Variants in CYLC1 observed in about 807,000 individuals in gnomAD.
CYLC1 encodes the protein cylicin-1.
CYLC1 carries 2 observed loss-of-function variants against 31.6 expected under a neutral mutation model. The observed-to-expected ratio is 0.06, with a 90% CI of 0.03 to 0.20. CYLC1 has a LOEUF of 0.20. CYLC1 is among the 10% of genes least tolerant of loss of function. The pLI is 1.00. For missense variants in CYLC1, 595 were observed against 424.1 expected (o/e 1.40, Z -3.54); for synonymous variants, 185 against 153.0 (o/e 1.21, Z -1.54).
rs1366211950 is a variant in CYLC1 at position 83,877,925 on chromosome X, T to A, written c.1923+3294T>A. ...ATATATATAAATATATATATATATA[T>A]AAATATAAATATATATATTTGTATA... On this transcript the variant is annotated intron_variant, in intron 4 of 4. Coordinates refer to ENST00000329312, the MANE Select transcript of CYLC1 (RefSeq NM_021118.3). Among the ~76,000 whole-genome samples the A allele has an allele frequency of 3.5e-5, 2 of 57,565 alleles. 1 individual carries two copies. Among genetic ancestry groups the A allele is most frequent in the African/African-American group, 1.2e-4 (2 of 17,370 alleles). 50.0% of individuals were successfully genotyped at this position (57,565 alleles called of 115,157 possible).
rs767522722 is a variant in CYLC1, at chrX:83,874,399, C to T, written c.1691C>T (p.Thr564Ile). The stretch of plus-strand genomic sequence containing the variant: ...AAGAAAATTGATGAATCAGATGGCA[C>T]ATCTGCAAATTCAAAGATGGAAGGA... ...AKKKIDESDG[T>I]SANSKMEGLE... The change falls in exon 4 of 5, where the codon ACA (threonine) becomes ATA (isoleucine). Residue 564 changes from threonine to isoleucine, a missense_variant. Transcript: ENST00000329312. 8.3e-7 allele frequency: 1 copy of T among 1,209,797 alleles called. No individual in the cohort carries two copies. The highest frequency in any genetic ancestry group is 3.0e-5 in the East Asian group (1 of 33,738).
chrX:83,862,281 C>T (rs1415949179), intron 1 of CYLC1, among the ~76,000 whole-genome samples: 5 of 109,389 alleles, frequency 4.6e-5, no homozygotes, highest in African/African-American at 1.3e-4. Flanking sequence ...CCTGTAATCC[C>T]AGCACTTTGG....
intron 4 of CYLC1, among the ~76,000 whole-genome samples, chrX:83,879,744 C>CAA (rs34270912): frequency 1.8e-5 from 2 of 110,386 alleles, no homozygotes; most frequent in Admixed American, 2.0e-4. Flanking sequence ...CAGACACATA[C>CAA]ACACACACAC....
chrX:83,876,708 C>T (rs1351681636), intron 4 of CYLC1, among the ~76,000 whole-genome samples: 1 of 110,670 alleles, frequency 9.0e-6, no homozygotes, highest in Non-Finnish European at 1.9e-5. Context: ...ACTAACCTTT[C>T]TGTCTGGAAA....
chrX:83,866,085 G>A (rs1433644330), intron 1 of CYLC1, among the ~76,000 whole-genome samples: 2 of 111,428 alleles, frequency 1.8e-5, no homozygotes, highest in Non-Finnish European at 3.8e-5. Context: ...AGTTGCTATA[G>A]TGTAAATCAT....
At position 83,873,704 on chromosome X, in the gene CYLC1, T is replaced by C. The variant is rs752222409; in HGVS notation, c.996T>C (p.Ser332=). The change falls in exon 4 of 5, where the codon TCT becomes TCC. Residue 332 remains serine (S), a synonymous_variant. Transcript: ENST00000329312. ...AGGATGTAAAGAAGGACACAGAGTC[T>C]ACTGATGCTGAATCTGGAGACTCAA... The part of the protein sequence containing the change: ...KKKDVKKDTE[S]TDAESGDSKD... 2.3e-5 allele frequency: 27 copies of C among 1,193,889 alleles called. No individual in the cohort carries two copies. Among genetic ancestry groups the C allele is most frequent in the Non-Finnish European group, 2.9e-5 (26 of 884,783 alleles).
At chrX:83,872,725 A>T (rs1409728543) in intron 3 of CYLC1, among the ~76,000 whole-genome samples, 161 bp from the exon 4 acceptor site, 32 of 69,020 alleles carry the variant, frequency 4.6e-4, no homozygotes, top group Admixed American at 1.5e-3. Flanking sequence ...TCTTACACAC[A>T]CACACACACA....
intron 2 of CYLC1, among the ~76,000 whole-genome samples, chrX:83,870,558 C>A (rs1157337188): frequency 5.4e-5 from 6 of 111,603 alleles, no homozygotes; most frequent in African/African-American, 1.6e-4. Flanking sequence ...AAAATGGAGA[C>A]AATTACATTA....
rs1602311602 is a variant in CYLC1, at chrX:83,884,217, A to G, written c.1924-2335A>G. ...GAGAATATTGTGATGCCTCTTCACA[A>G]CAAGTTTTTTTTAGAAGAATGTTAT... On this transcript the variant is annotated intron_variant, in intron 4 of 4. Transcript: ENST00000329312. Among the ~76,000 whole-genome samples, 6 of 111,908 alleles carry G rather than the reference A, an allele frequency of 5.4e-5. No individual in the cohort carries two copies. In the South Asian group the frequency reaches 2.2e-3, roughly 41 times the overall value.
In CYLC1 at chrX:83,874,310, A is replaced by T. The variant is rs1222720177; in HGVS notation, c.1602A>T (p.Thr534=). Reference sequence around the variant, plus strand: ...AATCTTCCAAGACAGGCTTTAAAACATCTACAAAAATCAAAGGTTCAGATA... The same window carrying T: ...AATCTTCCAAGACAGGCTTTAAAACTTCTACAAAAATCAAAGGTTCAGATA... ...FDESSKTGFK[T]STKIKGSDTE... is the part of the protein sequence containing the mutation. The change falls in exon 4 of 5, where the codon ACA becomes ACT. Residue 534 remains threonine (T), a synonymous_variant. Transcript: ENST00000329312. The T allele has an allele frequency of 9.9e-6, 12 of 1,209,581 alleles. No individual in the cohort carries two copies. The highest frequency in any genetic ancestry group is 1.3e-5 in the Non-Finnish European group (12 of 894,520).
chrX:83,874,838 T>C (rs2031737205), intron 4 of CYLC1, among the ~76,000 whole-genome samples: 1 of 110,963 alleles, frequency 9.0e-6, no homozygotes, highest in African/African-American at 3.3e-5. Flanking sequence ...ATAGAAATTA[T>C]TTGGACTAGA....
chrX:83,869,923 GA>G lies in CYLC1; in HGVS notation c.58+20del. On this transcript the variant is annotated intron_variant, in intron 2 of 4. Coordinates refer to ENST00000329312, the MANE Select transcript of CYLC1 (RefSeq NM_021118.3). ...CATTCCAAGTAAGAATTTAGTTAATGAAGTTTAATATTTCTTAGATTGGAAA... is the reference window on the plus strand; with the variant it reads ...CATTCCAAGTAAGAATTTAGTTAATGAGTTTAATATTTCTTAGATTGGAAA... The G allele has an allele frequency of 1.3e-6, 1 of 786,941 alleles. No individual in the cohort carries two copies. The allele number at this position is 786,941 out of a possible 1,213,427, so 64.9% of individuals were successfully genotyped here.
intron 3 of CYLC1, 56 bp downstream of exon 3, chrX:83,871,626 T>C: frequency 9.4e-7 from 1 of 1,058,392 alleles, no homozygotes; most frequent in Non-Finnish European, 1.3e-6. Flanking sequence ...AAAGCATATA[T>C]AAATATAAGT....
At chrX:83,871,172 A>G (rs2031658045) in intron 2 of CYLC1, among the ~76,000 whole-genome samples, 2 of 111,137 alleles carry the variant, frequency 1.8e-5, no homozygotes, top group African/African-American at 3.2e-5. Flanking sequence ...GTCTGATTAT[A>G]TAATTTTACC....
At chrX:83,875,485 T>C (rs948466188) in intron 4 of CYLC1, among the ~76,000 whole-genome samples, 2 of 111,734 alleles carry the variant, frequency 1.8e-5, no homozygotes, top group Non-Finnish European at 3.8e-5. Context: ...CTCTCAATCA[T>C]GGCAAAAGGC....
At position 83,873,280 on chromosome X, in the gene CYLC1, T is replaced by C. The variant is rs2031700303; in HGVS notation, c.572T>C (p.Val191Ala). The change falls in exon 4 of 5, where the codon GTC becomes GCC. Residue 191 changes from valine to alanine, a missense_variant. Transcript: ENST00000329312. ...CCAGAATCCCAAAATTCTAAGACAG[T>C]CTCAAAAAATTGTTCACAAAAAGAT... is the stretch of plus-strand genomic sequence containing the variant. ...TNPESQNSKT[V>A]SKNCSQKDKK... 1 of 1,199,478 alleles carries C rather than the reference T, an allele frequency of 8.3e-7. No homozygotes were observed.
At chrX:83,877,011 G>C (rs757793545) in intron 4 of CYLC1, among the ~76,000 whole-genome samples, 1 of 110,804 alleles carries the variant, frequency 9.0e-6, no homozygotes, top group Non-Finnish European at 1.9e-5. Flanking sequence ...AGTATCTACT[G>C]GGCATCTCAT....
At chrX:83,871,377 C>CT (rs1303125154) in intron 2 of CYLC1, 75 bp from the exon 3 acceptor site, 4 of 703,827 alleles carry the variant, frequency 5.7e-6, no homozygotes, top group Non-Finnish European at 8.5e-6. Context: ...TAATATGTTT[C>CT]TTACTCAAGA....
intron 1 of CYLC1, among the ~76,000 whole-genome samples, chrX:83,866,932 T>C (rs1194605741): frequency 9.0e-6 from 1 of 111,489 alleles, no homozygotes; most frequent in Non-Finnish European, 1.9e-5. Flanking sequence ...TATTTTACTA[T>C]AGGCAGCAAG....
Sources: gnomAD v4.1 joint callset for allele counts (sites outside exome capture counted in the v4.1 genomes callset) on GRCh38, gnomAD v4.1.1 for gene constraint, MANE v1.5 for transcripts, NCBI Gene and HGNC (gene_info 2026-07-23, HGNC 2026-07-21) for gene names.